AMD1: variants seen among roughly 807,000 people sequenced by gnomAD.
AMD1 encodes adenosylmethionine decarboxylase 1, also known as S-adenosylmethionine decarboxylase proenzyme.
Under a neutral mutation model 40.2 loss-of-function variants are expected in AMD1, and 11 were observed. The observed-to-expected ratio is 0.27, with a 90% CI of 0.17 to 0.45. The LOEUF is 0.45. Among genes scored for constraint, AMD1 ranks in the 20% least tolerant of loss-of-function variants. The pLI, the probability that AMD1 is intolerant of heterozygous loss-of-function variation, is 1.00. For missense variants in AMD1, 257 were observed against 410.2 expected, an observed-to-expected ratio of 0.63 and a Z score of 3.23; for synonymous variants, 121 against 130.8, an observed-to-expected ratio of 0.93 and a Z score of 0.51.
At chr6:110,816,617 C>T in the AMD1 span, among the ~76,000 whole-genome samples, 2 of 152,220 alleles carry the variant, frequency 1.3e-5, no homozygotes, top group Admixed American at 6.5e-5. Context: ...AGGAATCTTA[C>T]CAGAAAGAGA....
At chr6:110,843,292 C>T in the AMD1 span, among the ~76,000 whole-genome samples, 2 of 151,256 alleles carry the variant, frequency 1.3e-5, no homozygotes, top group Non-Finnish European at 2.9e-5. Flanking sequence ...GAGAAACCCA[C>T]CTCTACTAAA....
At chr6:110,889,049 G>A (rs906906106) in intron 3 of AMD1, 66 bp downstream of exon 3, 23 of 1,561,850 alleles carry the variant, frequency 1.5e-5, no homozygotes, top group South Asian at 2.4e-5. Flanking sequence ...TGTAATATGC[G>A]AAGTAAATAA....
the AMD1 span, among the ~76,000 whole-genome samples, chr6:110,852,990 T>TC: frequency 6.6e-6 from 1 of 151,634 alleles, no homozygotes; most frequent in Non-Finnish European, 1.5e-5. Context: ...CACTTTTTTT[T>TC]TTTTTTTTTT....
rs1274641340 is a variant in AMD1 at position 110,892,792 on chromosome 6, C to A, written c.673C>A (p.Pro225Thr). 1 of 1,613,994 alleles carries A rather than the reference C, an allele frequency of 6.2e-7. No individual in the cohort carries two copies. Residue 225 changes from proline (P) to threonine (T), a missense_variant, in exon 7 of 9, where the codon CCT becomes ACT. Pro to Thr is a conservative substitution (Grantham distance 38, BLOSUM62 -1). Transcript: ENST00000368885. ...TGTCATTGATGCCACAATGTTCAAT[C>A]CTTGTGGGTATTCGATGAATGGAAT... ...GSVIDATMFN[P>T]CGYSMNGMKS...
chr6:110,850,328 TG>T, the AMD1 span, among the ~76,000 whole-genome samples: 2 of 152,172 alleles, frequency 1.3e-5, no homozygotes, highest in African/African-American at 4.8e-5. Flanking sequence ...TGGGAATATT[TG>T]GGGGGACTCA....
chr6:110,881,294 C>T (rs1306149162), intron 1 of AMD1, among the ~76,000 whole-genome samples: 4 of 152,068 alleles, frequency 2.6e-5, no homozygotes, highest in African/African-American at 9.7e-5. Flanking sequence ...GTAGCAGTGT[C>T]CCTGGCCTCT....
intron 1 of AMD1, among the ~76,000 whole-genome samples, chr6:110,879,979 T>C (rs1053584294): frequency 6.6e-5 from 10 of 152,074 alleles, no homozygotes; most frequent in Non-Finnish European, 1.5e-4. Context: ...TTTTTTTTTT[T>C]TGGACAGTCT....
the AMD1 span, among the ~76,000 whole-genome samples, chr6:110,828,250 G>A: frequency 6.6e-6 from 1 of 152,140 alleles, no homozygotes; most frequent in Non-Finnish European, 1.5e-5. Flanking sequence ...GGCCAACATG[G>A]CGAAACCCCG....
chr6:110,891,620 C>CT (rs1208735068), intron 4 of AMD1: 17 of 157,424 alleles, frequency 1.1e-4, no homozygotes, highest in African/African-American at 4.1e-4. Context: ...GAACTTAGCA[C>CT]ATCTACTAAT....
At chr6:110,855,090 G>A in the AMD1 span, among the ~76,000 whole-genome samples, 10 of 17,056 alleles carry the variant, frequency 5.9e-4, no homozygotes, top group East Asian at 0.016. Flanking sequence ...TTTTTTTTTT[G>A]AGAGAATTGT....
the AMD1 span, among the ~76,000 whole-genome samples, chr6:110,825,692 G>C: frequency 6.6e-6 from 1 of 152,178 alleles, no homozygotes; most frequent in Non-Finnish European, 1.5e-5. Context: ...GTAAAAACCT[G>C]TTACTCTTCC....
the AMD1 span, among the ~76,000 whole-genome samples, chr6:110,833,426 G>A: frequency 6.6e-6 from 1 of 152,092 alleles, no homozygotes; most frequent in Non-Finnish European, 1.5e-5. Context: ...AACACTTCAG[G>A]TAGACTAATT....
the AMD1 span, among the ~76,000 whole-genome samples, chr6:110,845,966 G>C: frequency 1.3e-5 from 2 of 152,208 alleles, no homozygotes; most frequent in Admixed American, 1.3e-4. Context: ...TTTAGGCCGG[G>C]CGTGATGGCT....
At chr6:110,827,115 C>T in the AMD1 span, among the ~76,000 whole-genome samples, 1 of 152,092 alleles carries the variant, frequency 6.6e-6, no homozygotes, top group Non-Finnish European at 1.5e-5. Context: ...ATAAAGGTCA[C>T]ATTCACAGGT....
the AMD1 span, among the ~76,000 whole-genome samples, chr6:110,819,932 T>G: frequency 3.3e-5 from 5 of 152,318 alleles, no homozygotes; most frequent in South Asian, 1.0e-3. Flanking sequence ...TTAGCATGCA[T>G]TATAGGAGAC....
chr6:110,843,132 CA>C, the AMD1 span, among the ~76,000 whole-genome samples: 1 of 141,612 alleles, frequency 7.1e-6, no homozygotes, highest in African/African-American at 2.6e-5. Context: ...GACTCCCTCT[CA>C]AAAAAAAGTC....
chr6:110,880,857 G>C (rs938723006), intron 1 of AMD1, among the ~76,000 whole-genome samples: 1 of 152,004 alleles, frequency 6.6e-6, no homozygotes, highest in Non-Finnish European at 1.5e-5. Context: ...ATTTTTACTA[G>C]AGGCGGGTTT....
chr6:110,837,536 C>A, the AMD1 span, among the ~76,000 whole-genome samples: 16 of 148,954 alleles, frequency 1.1e-4, 1 homozygote, highest in East Asian at 2.8e-3. Flanking sequence ...CATGGTGAAA[C>A]CCTGTCTCTA....
chr6:110,889,986 C>G (rs943281304), intron 3 of AMD1: 2 of 319,144 alleles, frequency 6.3e-6, no homozygotes, highest in Non-Finnish European at 1.1e-5. Context: ...TATGACCCAT[C>G]ATCACTAGAC....
Sources: allele counts gnomAD v4.1 joint callset (sites outside exome capture counted in the v4.1 genomes callset), GRCh38; gene constraint gnomAD v4.1.1; transcripts MANE v1.5; gene names NCBI Gene and HGNC (gene_info 2026-07-23, HGNC 2026-07-21).